ELMO1: variants seen among roughly 807,000 people sequenced by gnomAD.
ELMO1 encodes the protein engulfment and cell motility protein 1.
Under a neutral mutation model 98.9 loss-of-function variants are expected in ELMO1, and 26 were observed. That is an observed-to-expected ratio of 0.26 (90% CI 0.19 to 0.36). ELMO1 has a LOEUF of 0.36. Among genes scored for constraint, ELMO1 ranks in the 10% least tolerant of loss-of-function variants. ELMO1 has a pLI of 1.00. For missense variants in ELMO1, 627 were observed against 935.2 expected (o/e 0.67, Z 4.30); for synonymous variants, 346 against 346.0 (o/e 1.00, Z 0.00).
intron 16 of ELMO1, among the ~76,000 whole-genome samples, chr7:36,926,883 T>C (rs919588065): frequency 1.3e-5 from 2 of 152,232 alleles, no homozygotes; most frequent in Admixed American, 1.3e-4. Context: ...TTAATTTTTT[T>C]CCTAATTCCA....
intron 1 of ELMO1, among the ~76,000 whole-genome samples, chr7:37,411,489 C>A (rs1487908951): frequency 6.6e-6 from 1 of 152,156 alleles, no homozygotes; most frequent in Admixed American, 6.5e-5. Flanking sequence ...AATTTTCTGG[C>A]TATTGCCCTT....
At chr7:37,398,257 C>T (rs188033499) in intron 1 of ELMO1, among the ~76,000 whole-genome samples, 1 of 152,266 alleles carries the variant, frequency 6.6e-6, no homozygotes, top group East Asian at 1.9e-4. Flanking sequence ...TAGCACAGAG[C>T]CTCCCTGACA....
intron 6 of ELMO1, among the ~76,000 whole-genome samples, chr7:37,245,251 C>T (rs895947874): frequency 6.6e-6 from 1 of 152,144 alleles, no homozygotes; most frequent in African/African-American, 2.4e-5. Context: ...GCCACAGGCC[C>T]TGAGGACACA....
At chr7:37,093,815 T>C (rs1484819992) in intron 15 of ELMO1, among the ~76,000 whole-genome samples, 1 of 152,226 alleles carries the variant, frequency 6.6e-6, no homozygotes, top group Non-Finnish European at 1.5e-5. Context: ...TGAATGTGTT[T>C]TGTAAGCCTT....
In ELMO1 at chr7:37,276,627, T is replaced by A. The variant is rs575242083; in HGVS notation, c.193-4745A>T. Among the ~76,000 whole-genome samples the A allele has an allele frequency of 1.7e-3, 266 of 152,236 alleles. 1 individual carries two copies. Among genetic ancestry groups the A allele is most frequent in the African/African-American group, 6.2e-3 (259 of 41,546 alleles). ...CTCCGTCTCAAAAAATAAAATAAAA[T>A]AAAACACATAAAAAGCACACTGCTA... On this transcript the variant is annotated intron_variant, in intron 4 of 21. Coordinates refer to ENST00000310758, the MANE Select transcript of ELMO1 (RefSeq NM_014800.11).
chr7:37,315,786 C>T (rs1269895002), intron 3 of ELMO1, 134 bp downstream of exon 3: 3 of 797,618 alleles, frequency 3.8e-6, no homozygotes, highest in South Asian at 3.1e-5. Context: ...TATTCCTACA[C>T]AGTAATTCTT....
chr7:37,168,334 C>G (rs1789876374), intron 13 of ELMO1, among the ~76,000 whole-genome samples: 1 of 152,248 alleles, frequency 6.6e-6, no homozygotes, highest in South Asian at 2.1e-4. Flanking sequence ...CTTCTCTGAA[C>G]TTGTCAAAGT....
intron 1 of ELMO1, among the ~76,000 whole-genome samples, chr7:37,417,947 T>C (rs1236525704): frequency 6.6e-6 from 1 of 152,142 alleles, no homozygotes; most frequent in Non-Finnish European, 1.5e-5. Context: ...AAGGACCACC[T>C]GGGGCCACCA....
rs540561974 is a variant in ELMO1, at chr7:37,129,099, G to A, written c.1191+4031C>T. 2.0e-5 allele frequency among the ~76,000 whole-genome samples: 3 copies of A among 151,992 alleles called. No individual in the cohort carries two copies. In the East Asian group the frequency reaches 5.9e-4, roughly 30 times the overall value. On this transcript the variant is annotated intron_variant, in intron 14 of 21. Coordinates refer to ENST00000310758, the MANE Select transcript of ELMO1 (RefSeq NM_014800.11). ...ACGGGAGCAAAGACACAGTGGTAGA[G>A]ACTTGCCTGGCTAGTTTGGCCTACC...
At chr7:37,046,894 C>T (rs536139987) in intron 15 of ELMO1, among the ~76,000 whole-genome samples, 1 of 152,314 alleles carries the variant, frequency 6.6e-6, no homozygotes, top group African/African-American at 2.4e-5. Context: ...CCTTTTCAAG[C>T]TTGTGAAAGG....
At chr7:37,082,820 C>T (rs1459300669) in intron 15 of ELMO1, among the ~76,000 whole-genome samples, 1 of 152,198 alleles carries the variant, frequency 6.6e-6, no homozygotes, top group Non-Finnish European at 1.5e-5. Context: ...AGAGGTAAGT[C>T]CTTTGGTCCG....
At chr7:36,938,957 G>C (rs536553920) in intron 16 of ELMO1, among the ~76,000 whole-genome samples, 2 of 152,222 alleles carry the variant, frequency 1.3e-5, no homozygotes, top group South Asian at 4.1e-4. Context: ...GAGCCAGGGA[G>C]TTCCAGGCTG....
rs571254901 is a variant in ELMO1 at position 37,319,743 on chromosome 7, A to G, written c.79-3783T>C. The stretch of plus-strand genomic sequence containing the variant: ...ATTCTGTGACATACACATTTACAAG[A>G]CACTAAGTCTCATCACTACTTCTTC... On this transcript the variant is annotated intron_variant, in intron 2 of 21. Transcript: ENST00000310758. 3.3e-5 allele frequency among the ~76,000 whole-genome samples: 5 copies of G among 152,286 alleles called. No homozygotes were observed. In the South Asian group the frequency reaches 8.3e-4, roughly 25 times the overall value.
chr7:36,965,832 T>A (rs1789378357), intron 16 of ELMO1, among the ~76,000 whole-genome samples: 1 of 152,164 alleles, frequency 6.6e-6, no homozygotes, highest in African/African-American at 2.4e-5. Flanking sequence ...CACATCCGCC[T>A]GTATGATGTC....
At chr7:36,864,981 A>G (rs531245654) in intron 20 of ELMO1, among the ~76,000 whole-genome samples, 1 of 152,244 alleles carries the variant, frequency 6.6e-6, no homozygotes, top group Admixed American at 6.5e-5. Flanking sequence ...TTTGTATTCA[A>G]CACTCTGGCC....
intron 4 of ELMO1, among the ~76,000 whole-genome samples, chr7:37,276,075 C>T (rs79087044): frequency 0.01 from 1,551 of 152,260 alleles, 34 homozygotes; most frequent in African/African-American, 0.036. Flanking sequence ...ATTTCACTTC[C>T]GAGCGGGAAA....
At chr7:37,141,868 T>G (rs776738808) in intron 13 of ELMO1, among the ~76,000 whole-genome samples, 1 of 152,222 alleles carries the variant, frequency 6.6e-6, no homozygotes, top group Non-Finnish European at 1.5e-5. Flanking sequence ...GTCTTACCCA[T>G]GCTGATCTGA....
At chr7:37,205,133 A>G (rs1194621329) in intron 13 of ELMO1, among the ~76,000 whole-genome samples, 1 of 152,222 alleles carries the variant, frequency 6.6e-6, no homozygotes, top group Non-Finnish European at 1.5e-5. Context: ...CACTTATCAC[A>G]GACGGGACCC....
At chr7:37,335,937 T>C (rs1213840346) in intron 2 of ELMO1, among the ~76,000 whole-genome samples, 2 of 152,064 alleles carry the variant, frequency 1.3e-5, no homozygotes, top group Non-Finnish European at 2.9e-5. Flanking sequence ...AAAGAACGCA[T>C]CTAGGCAGGG....
Sources: gnomAD v4.1 joint callset for allele counts (sites outside exome capture counted in the v4.1 genomes callset) on GRCh38, gnomAD v4.1.1 for gene constraint, MANE v1.5 for transcripts, NCBI Gene and HGNC (gene_info 2026-07-23, HGNC 2026-07-21) for gene names.